Variants in TMEM114 observed in about 807,000 individuals in gnomAD.
The protein encoded by TMEM114 is transmembrane protein 114.
In TMEM114, 6 loss-of-function variants were observed where a neutral mutation model predicts 6.2. That is an observed-to-expected ratio of 0.97 (90% confidence interval 0.53 to 1.91). The LOEUF (loss-of-function observed/expected upper bound fraction) is 1.91, where lower values mean the gene tolerates loss of function less well. Among genes scored for constraint, TMEM114 ranks in the 40% most tolerant of loss-of-function variants. The pLI is 0.01. For missense variants in TMEM114, 218 were observed against 158.3 expected (o/e 1.38, Z -2.02); for synonymous variants, 104 against 73.0 (o/e 1.42, Z -2.16).
intron 2 of TMEM114, among the ~76,000 whole-genome samples, chr16:8,542,548 G>A (rs567599926): frequency 8.5e-5 from 13 of 152,276 alleles, no homozygotes; most frequent in African/African-American, 2.6e-4. Context: ...ATGTAAGAAC[G>A]ATTTGGCAGG....
At position 8,569,702 on chromosome 16, in the gene TMEM114, G is replaced by T; in HGVS notation, c.*71C>A. 1 of 1,475,374 alleles carries T rather than the reference G, an allele frequency of 6.8e-7. No individual in the cohort carries two copies. Among genetic ancestry groups the T allele is most frequent in the Non-Finnish European group, 9.0e-7 (1 of 1,111,172 alleles). 91.4% of individuals were successfully genotyped at this position (1,475,374 alleles called of 1,614,324 possible). On this transcript the variant is annotated 3_prime_UTR_variant, in exon 4 of 4. Coordinates refer to ENST00000620492, the MANE Select transcript of TMEM114 (RefSeq NM_001146336.2). The stretch of plus-strand genomic sequence containing the variant: ...GGCCTTTGAGGAAGAAGAGGCCGCA[G>T]CCGATGGAGATCGGTCGGTGAAGCT...
chr16:8,547,388 C>A (rs1315334592), intron 2 of TMEM114, among the ~76,000 whole-genome samples: 3 of 146,624 alleles, frequency 2.0e-5, no homozygotes, highest in African/African-American at 7.7e-5. Flanking sequence ...TTCTTTCTTT[C>A]TTTCTTTCTT....
downstream of TMEM114, among the ~76,000 whole-genome samples, chr16:8,535,071 G>C (rs1900317861): frequency 6.6e-6 from 1 of 152,164 alleles, no homozygotes; most frequent in South Asian, 2.1e-4. Flanking sequence ...GGTGGTGGAG[G>C]GGTGTGAGTG....
intron 2 of TMEM114, among the ~76,000 whole-genome samples, chr16:8,544,216 C>G (rs771984970): frequency 6.6e-6 from 1 of 152,208 alleles, no homozygotes; most frequent in Non-Finnish European, 1.5e-5. Context: ...CAAGCCCTCT[C>G]ATGCTGGCTT....
intron 2 of TMEM114, among the ~76,000 whole-genome samples, chr16:8,574,904 G>C (rs1229272623): frequency 6.6e-6 from 1 of 152,104 alleles, no homozygotes; most frequent in Non-Finnish European, 1.5e-5. Context: ...AGCTTTCTTT[G>C]TGTGTGTGCC....
At chr16:8,555,811 C>G (rs928260050) in intron 2 of TMEM114, among the ~76,000 whole-genome samples, 5 of 152,134 alleles carry the variant, frequency 3.3e-5, no homozygotes, top group Non-Finnish European at 7.4e-5. Flanking sequence ...GGGATTCTGC[C>G]AAACAGCCTA....
chr16:8,570,529 A>G (rs1356703691), intron 3 of TMEM114, among the ~76,000 whole-genome samples: 1 of 152,078 alleles, frequency 6.6e-6, no homozygotes, highest in Admixed American at 6.5e-5. Flanking sequence ...ACAGGGTTTC[A>G]CCATATTGGC....
chr16:8,579,923 T>C (rs929416906), intron 2 of TMEM114, among the ~76,000 whole-genome samples: 4 of 151,578 alleles, frequency 2.6e-5, no homozygotes, highest in Non-Finnish European at 4.4e-5. Context: ...CCTTCCTGAG[T>C]GGGGAGAGGT....
chr16:8,578,739 G>A (rs1902029905), intron 2 of TMEM114, among the ~76,000 whole-genome samples: 1 of 152,156 alleles, frequency 6.6e-6, no homozygotes. Context: ...GGCACTTTGA[G>A]AGGCTGAGAC....
intron 2 of TMEM114, among the ~76,000 whole-genome samples, chr16:8,580,511 G>T (rs113344949): frequency 7.0e-6 from 1 of 143,758 alleles, no homozygotes; most frequent in African/African-American, 2.6e-5. Flanking sequence ...AAAAAAAAAA[G>T]AAAAAAAAAG....
At chr16:8,562,608 G>T (rs1372706852) in intron 2 of TMEM114, among the ~76,000 whole-genome samples, 2 of 151,638 alleles carry the variant, frequency 1.3e-5, no homozygotes, top group South Asian at 2.1e-4. Context: ...GAGTGAGTGA[G>T]TGAATGAGTG....
At chr16:8,571,003 G>T (rs890374879) in intron 3 of TMEM114, among the ~76,000 whole-genome samples, 1 of 152,118 alleles carries the variant, frequency 6.6e-6, no homozygotes, top group Admixed American at 6.5e-5. Context: ...AATGCTAATA[G>T]TAATAATAAT....
chr16:8,548,014 A>C (rs1900725496), intron 2 of TMEM114, among the ~76,000 whole-genome samples: 1 of 152,186 alleles, frequency 6.6e-6, no homozygotes, highest in Admixed American at 6.5e-5. Context: ...GACTCTGGCC[A>C]AAACATTTGG....
At chr16:8,581,867 T>C (rs528692824) in intron 2 of TMEM114, among the ~76,000 whole-genome samples, 94 of 152,268 alleles carry the variant, frequency 6.2e-4, no homozygotes, top group African/African-American at 2.1e-3. Context: ...CCCAGAGGAT[T>C]GAAGATCCAC....
intron 2 of TMEM114, among the ~76,000 whole-genome samples, chr16:8,546,844 A>G (rs1414942222): frequency 2.6e-5 from 4 of 152,130 alleles, no homozygotes; most frequent in Non-Finnish European, 5.9e-5. Context: ...GTCTGCCAAA[A>G]CGCAAGTGAT....
intron 2 of TMEM114, among the ~76,000 whole-genome samples, chr16:8,581,577 C>T (rs1430949528): frequency 1.3e-5 from 2 of 152,170 alleles, no homozygotes; most frequent in Non-Finnish European, 2.9e-5. Context: ...CCTCAGCCTC[C>T]CAAGTAGCTG....
rs141212101 is a variant in TMEM114 at position 8,548,694 on chromosome 16, G to GTATATATATATATATATATA, written n.213-10869_213-10868insTATATATATATATATATATA. On this transcript the variant is annotated intron_variant and non_coding_transcript_variant, in intron 2 of 2. Coordinates refer to the TMEM114 transcript ENST00000623677. The stretch of plus-strand genomic sequence containing the variant: ...AGAGAAGTGAGCTAAAAATTGCCAT[G>GTATATATATATATATATATA]TATATATATACACAGAAAAAAAATA... Among the ~76,000 whole-genome samples, 62 of 139,986 alleles carry GTATATATATATATATATATA rather than the reference G, an allele frequency of 4.4e-4. 1 individual carries two copies. The highest frequency in any genetic ancestry group is 1.6e-3 in the African/African-American group (58 of 35,298). The allele number at this position is 139,986 out of a possible 152,430, so 91.8% of individuals were successfully genotyped here.
At chr16:8,570,272 C>G (rs1901687666) in intron 3 of TMEM114, among the ~76,000 whole-genome samples, 1 of 152,178 alleles carries the variant, frequency 6.6e-6, no homozygotes, top group South Asian at 2.1e-4. Flanking sequence ...CAGCACCATA[C>G]AGCTGCCCAT....
chr16:8,583,812 G>A (rs896652991), intron 2 of TMEM114, among the ~76,000 whole-genome samples: 1 of 151,454 alleles, frequency 6.6e-6, no homozygotes, highest in South Asian at 2.1e-4. Flanking sequence ...ATGTAGGCGC[G>A]TGTGGGTTTT....
Sources: gnomAD v4.1 joint callset for allele counts (sites outside exome capture counted in the v4.1 genomes callset) on GRCh38, gnomAD v4.1.1 for gene constraint, MANE v1.5 for transcripts, NCBI Gene and HGNC (gene_info 2026-07-23, HGNC 2026-07-21) for gene names.